The following CD44 variants were observed in gnomAD, a reference collection of about 807,000 sequenced individuals.
CD44 encodes CD44 molecule (IN blood group).
CD44 carries 49 observed loss-of-function variants against 88.8 expected under a neutral mutation model. The observed-to-expected ratio is 0.55, with a 90% CI of 0.44 to 0.70. The LOEUF (loss-of-function observed/expected upper bound fraction) is 0.70, where lower values mean the gene tolerates loss of function less well. Among genes scored for constraint, CD44 ranks in the 30% least tolerant of loss-of-function variants. The pLI, the probability that CD44 is intolerant of heterozygous loss-of-function variation, is 0.00. For missense variants in CD44, 883 were observed against 913.8 expected (o/e 0.97, Z 0.43); for synonymous variants, 325 against 312.3 (o/e 1.04, Z -0.43).
At position 35,147,960 on chromosome 11, in the gene CD44, G is replaced by A. The variant is rs530860206; in HGVS notation, c.67+8590G>A. 4.6e-5 allele frequency among the ~76,000 whole-genome samples: 7 copies of A among 152,204 alleles called. 1 individual carries two copies. The East Asian group carries it at 1.4e-3, about 29-fold the overall frequency. On this transcript the variant is annotated intron_variant, in intron 1 of 17. Coordinates refer to ENST00000428726, the MANE Select transcript of CD44 (RefSeq NM_000610.4). ...AAAAAAATTAGCCGGGCATGGTGGT[G>A]CATGCCTGTAATCTCAGCTACTTGG... is the stretch of plus-strand genomic sequence containing the variant.
At chr11:35,170,144 C>A (rs7937602) in intron 1 of CD44, among the ~76,000 whole-genome samples, 24,509 of 152,120 alleles carry the variant, frequency 0.16, 1,974 homozygotes, top group South Asian at 0.24. Flanking sequence ...TAAACCCTGA[C>A]AGGTTCGCAT....
At position 35,229,327 on chromosome 11, in the gene CD44, G is replaced by T. The variant is rs376116333; in HGVS notation, c.2223G>T (p.Gly741=). Residue 741 remains glycine, a synonymous_variant, in exon 18 of 18, where the codon GGG becomes GGT. Coordinates refer to ENST00000428726, the MANE Select transcript of CD44 (RefSeq NM_000610.4). ...TGCAGAATGTGGACATGAAGATTGGGGTGTAACACCTACACCATTATCTTG... is the reference window on the plus strand; with the variant it reads ...TGCAGAATGTGGACATGAAGATTGGTGTGTAACACCTACACCATTATCTTG... ...RNLQNVDMKI[G]V is the part of the protein sequence containing the mutation. 6.2e-7 allele frequency: 1 copy of T among 1,603,826 alleles called. No individual in the cohort carries two copies. The highest frequency in any genetic ancestry group is 8.5e-7 in the Non-Finnish European group (1 of 1,170,884).
At position 35,186,913 on chromosome 11, in the gene CD44, T is replaced by A. The variant is rs751897249; in HGVS notation, c.436+13T>A. ...CCAATTACCATAAGTATGTCTCTCTTCTAATCTTAATTAAATTTTCCTATT... is the reference window on the plus strand; with the variant it reads ...CCAATTACCATAAGTATGTCTCTCTACTAATCTTAATTAAATTTTCCTATT... On this transcript the variant is annotated intron_variant, in intron 4 of 17. Coordinates refer to ENST00000428726, the MANE Select transcript of CD44 (RefSeq NM_000610.4). 6.6e-7 allele frequency: 1 copy of A among 1,516,168 alleles called. No individual in the cohort carries two copies. Among genetic ancestry groups the A allele is most frequent in the East Asian group, 2.3e-5 (1 of 44,424 alleles). The allele number at this position is 1,516,168 out of a possible 1,614,324, so 93.9% of individuals were successfully genotyped here.
intron 1 of CD44, among the ~76,000 whole-genome samples, chr11:35,161,593 G>A (rs1044811555): frequency 4.6e-5 from 7 of 152,168 alleles, no homozygotes; most frequent in Non-Finnish European, 8.8e-5. Context: ...ATTGGATTTT[G>A]CCTTGAATTT....
chr11:35,173,868 G>A (rs59142606), intron 1 of CD44, among the ~76,000 whole-genome samples: 3 of 152,144 alleles, frequency 2.0e-5, no homozygotes, highest in Non-Finnish European at 4.4e-5. Flanking sequence ...TGATAGAAAA[G>A]GATCCTTGGG....
chr11:35,201,911 CT>C, intron 9 of CD44, 124 bp downstream of exon 9: 1 of 1,035,372 alleles, frequency 9.7e-7, no homozygotes, highest in Non-Finnish European at 1.4e-6. Context: ...TTCTTTTATT[CT>C]TAGAGCCTGA....
chr11:35,219,068 C>T (rs1949078421), intron 15 of CD44: 1 of 490,528 alleles, frequency 2.0e-6, no homozygotes, highest in South Asian at 2.4e-5. Flanking sequence ...GTCCTGAACA[C>T]TGTGCAACAC....
At chr11:35,149,235 G>C (rs542120462) in intron 1 of CD44, among the ~76,000 whole-genome samples, 1 of 152,222 alleles carries the variant, frequency 6.6e-6, no homozygotes, top group Admixed American at 6.5e-5. Context: ...TAAAAGGGCA[G>C]TTGTTTCTTT....
Position 35,221,679 on chromosome 11 carries a change from C to G in CD44, c.1971C>G (p.Leu657=). The change falls in exon 17 of 18, where the codon CTC becomes CTG. Residue 657 remains leucine (L), a synonymous_variant. Coordinates refer to ENST00000428726, the MANE Select transcript of CD44 (RefSeq NM_000610.4). ...AATGGCTGATCATCTTGGCATCCCT[C>G]TTGGCCTTGGCTTTGATTCTTGCAG... The part of the protein sequence containing the change: ...IPEWLIILAS[L]LALALILAVC... 6.2e-7 allele frequency: 1 copy of G among 1,614,110 alleles called. No individual in the cohort carries two copies. Among genetic ancestry groups the G allele is most frequent in the Non-Finnish European group, 8.5e-7 (1 of 1,179,938 alleles).
intron 10 of CD44, 200 bp downstream of exon 10, chr11:35,204,840 A>T (rs999908612): frequency 3.9e-6 from 2 of 515,190 alleles, no homozygotes; most frequent in Admixed American, 7.1e-5. Flanking sequence ...GATACAAGCC[A>T]GTTATGAATA....
At chr11:35,175,692 C>T (rs1049080420) in intron 1 of CD44, among the ~76,000 whole-genome samples, 1 of 152,036 alleles carries the variant, frequency 6.6e-6, no homozygotes, top group Non-Finnish European at 1.5e-5. Flanking sequence ...AAATCATTTG[C>T]TTTTTAAAAA....
rs956270758 is a variant in CD44, at chr11:35,231,685, G to A, written c.*2352G>A. On this transcript the variant is annotated 3_prime_UTR_variant, in exon 18 of 18. Transcript: ENST00000428726. The stretch of plus-strand genomic sequence containing the variant: ...GAATAAGATGTATTCTCACTCCCTT[G>A]ATCTCAAGGGCGTAACTCTGGAAGC... 6.6e-6 allele frequency: 1 copy of A among 152,080 alleles called. No homozygotes were observed. Among genetic ancestry groups the A allele is most frequent in the Non-Finnish European group, 1.5e-5 (1 of 68,016 alleles). The allele number at this position is 152,080 out of a possible 1,614,324, so 9.4% of individuals were successfully genotyped here.
chr11:35,185,285 G>A (rs1945544198), intron 3 of CD44, among the ~76,000 whole-genome samples: 1 of 152,162 alleles, frequency 6.6e-6, no homozygotes, highest in African/African-American at 2.4e-5. Context: ...TTTAGGACAG[G>A]CTTTGCAAGA....
intron 17 of CD44, among the ~76,000 whole-genome samples, chr11:35,227,373 A>G (rs1280345831): frequency 6.6e-6 from 1 of 152,188 alleles, no homozygotes; most frequent in Non-Finnish European, 1.5e-5. Context: ...TTGAATACAG[A>G]CTGGGTTTTA....
At chr11:35,185,048 A>ATCC (rs1460614747) in intron 3 of CD44, among the ~76,000 whole-genome samples, 4 of 152,170 alleles carry the variant, frequency 2.6e-5, no homozygotes, top group Non-Finnish European at 5.9e-5. Flanking sequence ...ATTTCTAGGG[A>ATCC]GGGAGGCAGG....
intron 1 of CD44, among the ~76,000 whole-genome samples, chr11:35,155,907 C>G (rs1486241697): frequency 6.6e-6 from 1 of 152,162 alleles, no homozygotes; most frequent in South Asian, 2.1e-4. Context: ...AAGCAGCCCT[C>G]ATATTAACAT....
At chr11:35,146,374 G>A (rs574744661) in intron 1 of CD44, among the ~76,000 whole-genome samples, 12 of 152,296 alleles carry the variant, frequency 7.9e-5, no homozygotes, top group Non-Finnish European at 1.0e-4. Context: ...AGTCTCCTTC[G>A]CAGTGCCTGA....
chr11:35,220,206 G>A (rs150145334), intron 16 of CD44, among the ~76,000 whole-genome samples: 5 of 152,248 alleles, frequency 3.3e-5, no homozygotes, highest in African/African-American at 9.6e-5. Flanking sequence ...CAGAGACAGG[G>A]GTGGGCTGTC....
intron 1 of CD44, among the ~76,000 whole-genome samples, chr11:35,176,083 C>T (rs1363046184): frequency 6.7e-6 from 1 of 148,718 alleles, no homozygotes; most frequent in Non-Finnish European, 1.5e-5. Flanking sequence ...TGCTCTGTCG[C>T]CCAGGCTGGA....
Sources: allele counts gnomAD v4.1 joint callset (sites outside exome capture counted in the v4.1 genomes callset), GRCh38; gene constraint gnomAD v4.1.1; transcripts MANE v1.5; gene names NCBI Gene and HGNC (gene_info 2026-07-23, HGNC 2026-07-21).